The following RSPH6A variants were observed in gnomAD, a reference collection of about 807,000 sequenced individuals.
The protein encoded by RSPH6A is radial spoke head 6 homolog A.
Under a neutral mutation model 66.1 loss-of-function variants are expected in RSPH6A, and 49 were observed. That is an observed-to-expected ratio of 0.74 (90% confidence interval 0.59 to 0.94). The LOEUF is 0.94. Among genes scored for constraint, RSPH6A ranks in the 40% least tolerant of loss-of-function variants. The pLI is 0.00. For missense variants in RSPH6A, 977 were observed against 948.3 expected (o/e 1.03, Z -0.40); for synonymous variants, 419 against 402.4 (o/e 1.04, Z -0.49).
intron 1 of RSPH6A, among the ~76,000 whole-genome samples, chr19:45,812,959 G>C (rs1970648562): frequency 6.6e-6 from 1 of 152,038 alleles, no homozygotes; most frequent in Admixed American, 6.6e-5. Flanking sequence ...GCCTCCCAAA[G>C]TGCTGGGATC....
chr19:45,804,744 G>A lies in RSPH6A; in HGVS notation c.1161C>T (p.His387=), dbSNP rs112133416. ...CGTCCTCCTCGCCCTCCTCCTCGCC[G>A]TGCGCCTCCATGACCTCGCCACCTT... ...MTEGGEVMEA[H]GEEEGEEDEE... is the part of the protein sequence containing the mutation. Residue 387 remains histidine, a synonymous_variant, in exon 3 of 6, where the codon CAC becomes CAT. Transcript: ENST00000221538. The surrounding 1 kb of genome is among the most constrained non-coding windows in gnomAD (Gnocchi z 5.8). 1.1e-5 allele frequency: 18 copies of A among 1,610,246 alleles called. No homozygotes were observed. The highest frequency in any genetic ancestry group is 1.6e-4 in the Middle Eastern group (1 of 6,074).
In RSPH6A at chr19:45,802,154, GC is replaced by G. The variant is rs1159618024; in HGVS notation, c.1763del (p.Gly588AlafsTer5). 10 of 1,556,508 alleles carry G rather than the reference GC, an allele frequency of 6.4e-6. No individual in the cohort carries two copies. Among genetic ancestry groups the G allele is most frequent in the Non-Finnish European group, 8.7e-6 (10 of 1,146,230 alleles). On this transcript the variant is annotated frameshift_variant, in exon 4 of 6. Coordinates refer to ENST00000221538, the MANE Select transcript of RSPH6A (RefSeq NM_030785.4). LOFTEE classifies it high-confidence loss of function. ...CTGAAAGTGGCGTTAGCAGTGGGGG[GC>G]CAACCTCCTGCTCCACCTCCTCTGG... is the stretch of plus-strand genomic sequence containing the variant. ...EGPEEVEQEVGPPLLTPLSED... is the reference protein window; with the variant it reads ...EGPEEVEQEVXPPLLTPLSED...
rs1970510997 is a variant in RSPH6A, at chr19:45,804,353, C to T, written c.1552G>A (p.Asp518Asn). The T allele has an allele frequency of 3.7e-6, 6 of 1,614,048 alleles. No homozygotes were observed. The highest frequency in any genetic ancestry group is 2.7e-5 in the African/African-American group (2 of 74,938). ...AAGTCCGGGTTCTCCTCGTAGGAGT[C>T]GCGCCCAGCACCACCTTCCTCCTCC... ...DEEEEGGAGR[D>N]SYEENPDFEG... Residue 518 changes from aspartate to asparagine, a missense_variant, in exon 3 of 6, where the codon GAC (aspartate) becomes AAC (asparagine). Transcript: ENST00000221538. The surrounding 1 kb of genome is among the most constrained non-coding windows in gnomAD (Gnocchi z 5.8).
chr19:45,813,784 C>T (rs894660692), intron 1 of RSPH6A, among the ~76,000 whole-genome samples: 3 of 152,148 alleles, frequency 2.0e-5, no homozygotes, highest in African/African-American at 7.2e-5. Context: ...CTAATGGAGG[C>T]TGAGAGCAGT....
At position 45,810,794 on chromosome 19, in the gene RSPH6A, G is replaced by A. The variant is rs935262125; in HGVS notation, c.697C>T (p.Pro233Ser). ...NLLTKILNQRPEDPLSVLESL... is the reference protein window; with the variant it reads ...NLLTKILNQRSEDPLSVLESL... ...TCCAGGACAGACAAGGGGTCCTCAG[G>A]CCGCTGGTTCAGGATCTTGGTCAGC... The change falls in exon 2 of 6, where the codon CCT (proline) becomes TCT (serine). Residue 233 changes from proline to serine, a missense_variant. Physicochemically the swap from Pro to Ser is moderately conservative, Grantham distance 74. Coordinates refer to ENST00000221538, the MANE Select transcript of RSPH6A (RefSeq NM_030785.4). 8.1e-6 allele frequency: 13 copies of A among 1,613,516 alleles called. No individual in the cohort carries two copies. The highest frequency in any genetic ancestry group is 1.1e-5 in the Non-Finnish European group (13 of 1,179,652).
At chr19:45,813,413 G>A (rs879348660) in intron 1 of RSPH6A, among the ~76,000 whole-genome samples, 1 of 152,016 alleles carries the variant, frequency 6.6e-6, no homozygotes, top group Non-Finnish European at 1.5e-5. Flanking sequence ...GCACGATCTC[G>A]GCTCACTGCA....
At chr19:45,807,567 G>A (rs191458680) in intron 2 of RSPH6A, among the ~76,000 whole-genome samples, 230 of 152,082 alleles carry the variant, frequency 1.5e-3, no homozygotes, top group African/African-American at 5.1e-3. Flanking sequence ...CTGGAGTGCA[G>A]TGGCACAATC....
At position 45,814,649 on chromosome 19, in the gene RSPH6A, C is replaced by A. The variant is rs1453791503; in HGVS notation, c.528G>T (p.Leu176Phe). Reference protein sequence around the residue: ...YIRDDPALQFLPSELGFPHYS... With the variant: ...YIRDDPALQFFPSELGFPHYS... The stretch of plus-strand genomic sequence containing the variant: ...AGTGTGGGAAGCCCAGCTCAGAGGG[C>A]AAGAACTGAAGGGCAGGGTCATCCC... Residue 176 changes from leucine (L) to phenylalanine (F), a missense_variant, in exon 1 of 6, where the codon TTG becomes TTT. Physicochemically the swap from Leu to Phe is conservative, Grantham distance 22. Coordinates refer to ENST00000221538, the MANE Select transcript of RSPH6A (RefSeq NM_030785.4). The A allele has an allele frequency of 6.2e-7, 1 of 1,609,344 alleles. No homozygotes were observed. Among genetic ancestry groups the A allele is most frequent in the South Asian group, 1.1e-5 (1 of 90,332 alleles).
Position 45,800,434 on chromosome 19 carries a change from G to T in RSPH6A, c.1916+12C>A, listed in dbSNP as rs760668737. 3 of 1,608,308 alleles carry T rather than the reference G, an allele frequency of 1.9e-6. No individual in the cohort carries two copies. Among genetic ancestry groups the T allele is most frequent in the Non-Finnish European group, 8.5e-7 (1 of 1,176,254 alleles). On this transcript the variant is annotated intron_variant, in intron 5 of 5. Transcript: ENST00000221538. ...AGATTCTCCTGCTGGGAGGGGCTGG[G>T]GGAAGACCTACTTGCCACTGGCATA... is the stretch of plus-strand genomic sequence containing the variant.
intron 1 of RSPH6A, 100 bp downstream of exon 1, chr19:45,814,427 T>G (rs975709452): frequency 9.0e-7 from 1 of 1,116,964 alleles, no homozygotes; most frequent in Non-Finnish European, 1.2e-6. Context: ...TGGTTTTCCA[T>G]GAGGGATGAT....
Position 45,814,702 on chromosome 19 carries a change from C to G in RSPH6A, c.475G>C (p.Glu159Gln). 6.2e-7 allele frequency: 1 copy of G among 1,613,096 alleles called. No homozygotes were observed. The highest frequency in any genetic ancestry group is 8.5e-7 in the Non-Finnish European group (1 of 1,179,500). The change falls in exon 1 of 6, where the codon GAA (glutamate) becomes CAA (glutamine). Residue 159 changes from glutamate to glutamine, a missense_variant. Physicochemically the swap from Glu to Gln is conservative, Grantham distance 29. Coordinates refer to ENST00000221538, the MANE Select transcript of RSPH6A (RefSeq NM_030785.4). ...ATGTAAGGCCCGTGCTGGGCACCTT[C>G]AGAGAACTGGTCTGTCTGGTAGAGG... ...FNLYQTDQFS[E>Q]GAQHGPYIRD...
Position 45,810,688 on chromosome 19 carries a change from G to C in RSPH6A, c.803C>G (p.Thr268Ser). 1 of 1,614,086 alleles carries C rather than the reference G, an allele frequency of 6.2e-7. No individual in the cohort carries two copies. Among genetic ancestry groups the C allele is most frequent in the Non-Finnish European group, 8.5e-7 (1 of 1,180,028 alleles). Residue 268 changes from threonine (T) to serine (S), a missense_variant, in exon 2 of 6, where the codon ACC becomes AGC. By Grantham distance (58) the Thr-to-Ser change is moderately conservative. Transcript: ENST00000221538. The part of the protein sequence containing the change: ...TLRDDPEMQP[T>S]YKMAEKQKAL... Reference sequence around the variant, plus strand: ...CTTCTGTTTCTCCGCCATCTTGTAGGTGGGCTGCATCTCGGGGTCGTCCCG... The same window carrying C: ...CTTCTGTTTCTCCGCCATCTTGTAGCTGGGCTGCATCTCGGGGTCGTCCCG...
Position 45,815,307 on chromosome 19 carries a change from G to T in RSPH6A, c.-131C>A. The T allele has an allele frequency of 2.6e-6, 3 of 1,145,440 alleles. No homozygotes were observed. The highest frequency in any genetic ancestry group is 3.6e-6 in the Non-Finnish European group (3 of 835,004). The allele number at this position is 1,145,440 out of a possible 1,614,324, so 71.0% of individuals were successfully genotyped here. On this transcript the variant is annotated 5_prime_UTR_variant, in exon 1 of 6. Transcript: ENST00000221538. ...CCGTTACCCGTGGAGGGCGCGGGGAGCGGGCCAGGGTGGGTTCCGCGCAGG... is the reference window on the plus strand; with the variant it reads ...CCGTTACCCGTGGAGGGCGCGGGGATCGGGCCAGGGTGGGTTCCGCGCAGG...
chr19:45,804,329 A>T lies in RSPH6A; in HGVS notation c.1576T>A (p.Phe526Ile). The T allele has an allele frequency of 6.2e-7, 1 of 1,614,192 alleles. No individual in the cohort carries two copies. The highest frequency in any genetic ancestry group is 2.2e-5 in the East Asian group (1 of 44,884). Residue 526 changes from phenylalanine (F) to isoleucine (I), a missense_variant, in exon 3 of 6, where the codon TTC becomes ATC. By Grantham distance (21) the Phe-to-Ile change is conservative. Transcript: ENST00000221538. This position sits in a 1 kb window ranked among gnomAD's most constrained non-coding sequence, Gnocchi z 5.8. Reference protein sequence around the residue: ...GRDSYEENPDFEGIPVLELVD... With the variant: ...GRDSYEENPDIEGIPVLELVD... ...AGCTCCAGCACGGGGATGCCCTCGA[A>T]GTCCGGGTTCTCCTCGTAGGAGTCG...
chr19:45,798,290 CG>C (rs1229299503), intron 5 of RSPH6A, among the ~76,000 whole-genome samples: 1 of 151,360 alleles, frequency 6.6e-6, no homozygotes, highest in Non-Finnish European at 1.5e-5. Context: ...ACCTGGGAGG[CG>C]GAGGATGCAG....
intron 5 of RSPH6A, among the ~76,000 whole-genome samples, chr19:45,797,558 T>C (rs1433273883): frequency 6.6e-6 from 1 of 151,856 alleles, no homozygotes; most frequent in Non-Finnish European, 1.5e-5. Context: ...GTCTAGGTGC[T>C]GGGGACACAG....
Position 45,810,777 on chromosome 19 carries a change from A to T in RSPH6A, c.714T>A (p.Ser238=), listed in dbSNP as rs148945396. The T allele has an allele frequency of 3.7e-6, 6 of 1,613,826 alleles. No homozygotes were observed. The South Asian group carries it at 5.5e-5, about 15-fold the overall frequency. ...ILNQRPEDPL[S]VLESLNRTTQ... is the part of the protein sequence containing the mutation. ...TGGTGCGGTTCAGAGACTCCAGGAC[A>T]GACAAGGGGTCCTCAGGCCGCTGGT... is the stretch of plus-strand genomic sequence containing the variant. The change falls in exon 2 of 6, where the codon TCT becomes TCA. Residue 238 remains serine (S), a synonymous_variant. Coordinates refer to ENST00000221538, the MANE Select transcript of RSPH6A (RefSeq NM_030785.4).
chr19:45,811,785 TTATTAG>T (rs980667318), intron 1 of RSPH6A, among the ~76,000 whole-genome samples: 5 of 115,010 alleles, frequency 4.3e-5, no homozygotes, highest in African/African-American at 1.7e-4. Flanking sequence ...ATTATTATTA[TTATTAG>T]AGACAGAGTT....
chr19:45,799,966 G>A (rs796556997), intron 5 of RSPH6A, among the ~76,000 whole-genome samples: 13 of 152,336 alleles, frequency 8.5e-5, no homozygotes, highest in African/African-American at 2.9e-4. Flanking sequence ...AGAATCACTT[G>A]AACCTGGGAG....
Sources: allele counts gnomAD v4.1 joint callset (sites outside exome capture counted in the v4.1 genomes callset), GRCh38; gene constraint gnomAD v4.1.1; non-coding constraint Gnocchi (gnomAD v3.1); transcripts MANE v1.5; gene names NCBI Gene and HGNC (gene_info 2026-07-23, HGNC 2026-07-21).